TCF4: variants seen among roughly 807,000 people sequenced by gnomAD.
TCF4 encodes SL3-3 enhancer factor 2.
Under a neutral mutation model 82.1 loss-of-function variants are expected in TCF4, and 3 were observed. The observed-to-expected ratio is 0.04, with a 90% CI of 0.02 to 0.09. The LOEUF is 0.09. Ranked by LOEUF, TCF4 falls within the 10% of genes least tolerant of loss-of-function variation. TCF4 has a pLI of 1.00. For synonymous variants in TCF4, 276 were observed against 309.6 expected, an observed-to-expected ratio of 0.89 and a Z score of 1.14; for missense variants, 518 against 852.7, an observed-to-expected ratio of 0.61 and a Z score of 4.89.
chr18:55,482,515 C>T (rs1299527469), intron 3 of TCF4, among the ~76,000 whole-genome samples: 1 of 152,208 alleles, frequency 6.6e-6, no homozygotes, highest in African/African-American at 2.4e-5. Context: ...GAGACAACCA[C>T]AGGTTGGAGA....
At chr18:55,523,218 A>G (rs2096947936) in intron 3 of TCF4, among the ~76,000 whole-genome samples, 1 of 152,078 alleles carries the variant, frequency 6.6e-6, no homozygotes, top group South Asian at 2.1e-4. Flanking sequence ...TTTACACAAT[A>G]CAAATTCATG....
rs144678214 is a variant in TCF4, at chr18:55,596,679, A to G, written c.287-9543T>C. The stretch of plus-strand genomic sequence containing the variant: ...CGTTTCTTTAATGGTCATGAAATTG[A>G]TTTAGATCAACTTTTTGTTTTTGTT... On this transcript the variant is annotated intron_variant, in intron 2 of 20. Coordinates refer to the TCF4 transcript ENST00000398339. Among the ~76,000 whole-genome samples the G allele has an allele frequency of 2.7e-4, 41 of 152,272 alleles. No homozygotes were observed. In the East Asian group the frequency reaches 7.5e-3, roughly 28 times the overall value.
At chr18:55,493,424 C>T (rs1340023217) in intron 3 of TCF4, among the ~76,000 whole-genome samples, 4 of 152,060 alleles carry the variant, frequency 2.6e-5, no homozygotes. Flanking sequence ...AATAAAATTT[C>T]TATTAACATG....
intron 3 of TCF4, among the ~76,000 whole-genome samples, chr18:55,519,320 G>A (rs950146112): frequency 6.6e-6 from 1 of 151,792 alleles, no homozygotes; most frequent in Non-Finnish European, 1.5e-5. Flanking sequence ...TGTATTCCCA[G>A]CTACTCAGGA....
chr18:55,404,937 C>G (rs1390531538), intron 5 of TCF4, among the ~76,000 whole-genome samples: 12 of 152,242 alleles, frequency 7.9e-5, no homozygotes, highest in Non-Finnish European at 1.6e-4. Context: ...CGCCCCATTT[C>G]TGGTCTAGCG....
chr18:55,452,055 A>G (rs2095633992), intron 5 of TCF4, among the ~76,000 whole-genome samples: 2 of 152,162 alleles, frequency 1.3e-5, no homozygotes, highest in African/African-American at 2.4e-5. Flanking sequence ...AAAATGTAAA[A>G]ACCTAGAGAA....
chr18:55,245,495 T>G (rs1463042906), intron 15 of TCF4, among the ~76,000 whole-genome samples: 1 of 152,238 alleles, frequency 6.6e-6, no homozygotes, highest in Non-Finnish European at 1.5e-5. Context: ...GCTCTTCCTG[T>G]GGACTCTCAT....
chr18:55,397,116 G>A (rs906266770), intron 6 of TCF4, among the ~76,000 whole-genome samples: 3 of 152,188 alleles, frequency 2.0e-5, no homozygotes, highest in African/African-American at 4.8e-5. Flanking sequence ...TGCAGATGGG[G>A]AAAGATTCCT....
At chr18:55,596,995 G>C (rs893081151) in intron 2 of TCF4, among the ~76,000 whole-genome samples, 1 of 152,166 alleles carries the variant, frequency 6.6e-6, no homozygotes, top group African/African-American at 2.4e-5. Flanking sequence ...TCTCATAATA[G>C]TGAGTGACTT....
chr18:55,294,302 A>G (rs2065928851), intron 8 of TCF4, among the ~76,000 whole-genome samples: 1 of 152,114 alleles, frequency 6.6e-6, no homozygotes, highest in Non-Finnish European at 1.5e-5. Flanking sequence ...TTCATATCTT[A>G]TATGAATTAT....
chr18:55,355,431 G>C (rs2083271340), intron 6 of TCF4, among the ~76,000 whole-genome samples: 1 of 152,152 alleles, frequency 6.6e-6, no homozygotes, highest in Non-Finnish European at 1.5e-5. Context: ...AGTTGCTGCT[G>C]AATGTGCCAT....
intron 3 of TCF4, among the ~76,000 whole-genome samples, chr18:55,526,734 C>G (rs1300614590): frequency 6.6e-6 from 1 of 152,132 alleles, no homozygotes; most frequent in Non-Finnish European, 1.5e-5. Flanking sequence ...TGCTTTAAGG[C>G]TTTCAGATTA....
rs538335272 is a variant in TCF4 at position 55,341,857 on chromosome 18, C to T, written c.549+8502G>A. On this transcript the variant is annotated intron_variant, in intron 8 of 19. Transcript: ENST00000354452. Reference sequence around the variant, plus strand: ...TCAAATGCATGACTTTCTCAAAAGGCTACACGGTATACTCTTTAAAATGCT... The same window carrying T: ...TCAAATGCATGACTTTCTCAAAAGGTTACACGGTATACTCTTTAAAATGCT... Among the ~76,000 whole-genome samples, 17 of 152,228 alleles carry T rather than the reference C, an allele frequency of 1.1e-4. No individual in the cohort carries two copies. In the South Asian group the frequency reaches 3.5e-3, roughly 32 times the overall value.
intron 3 of TCF4, among the ~76,000 whole-genome samples, chr18:55,565,024 C>T (rs1240301953): frequency 2.6e-5 from 4 of 152,154 alleles, no homozygotes; most frequent in South Asian, 4.1e-4. Flanking sequence ...CCAACATTTC[C>T]TCTTCCAACA....
rs546664472 is a variant in TCF4, at chr18:55,240,085, A to G, written c.1351-5402T>C. Among the ~76,000 whole-genome samples, 3 of 152,366 alleles carry G rather than the reference A, an allele frequency of 2.0e-5. No homozygotes were observed. In the South Asian group the frequency reaches 6.2e-4, roughly 32 times the overall value. ...CAATGGGAACTTTAGGAAACTTGTCATCAGTTTCTAGACCAAGTGATAATG... is the reference window on the plus strand; with the variant it reads ...CAATGGGAACTTTAGGAAACTTGTCGTCAGTTTCTAGACCAAGTGATAATG... On this transcript the variant is annotated intron_variant, in intron 15 of 19. Coordinates refer to ENST00000354452, the MANE Select transcript of TCF4 (RefSeq NM_001083962.2).
At chr18:55,364,925 T>G (rs1159456322) in intron 6 of TCF4, among the ~76,000 whole-genome samples, 2 of 151,572 alleles carry the variant, frequency 1.3e-5, no homozygotes, top group South Asian at 2.1e-4. Flanking sequence ...CTTTGGGAAC[T>G]GAGGCAGGCA....
intron 6 of TCF4, among the ~76,000 whole-genome samples, chr18:55,371,692 C>G (rs1275983470): frequency 6.6e-6 from 1 of 152,132 alleles, no homozygotes; most frequent in Non-Finnish European, 1.5e-5. Context: ...CTCAACACTT[C>G]CACTGGGAAG....
chr18:55,463,640 T>C (rs2095923403), intron 4 of TCF4, among the ~76,000 whole-genome samples: 1 of 152,202 alleles, frequency 6.6e-6, no homozygotes, highest in East Asian at 1.9e-4. Flanking sequence ...AACTTCATAG[T>C]GTATCTTTGG....
At chr18:55,394,941 C>CT in intron 6 of TCF4, among the ~76,000 whole-genome samples, 1 of 152,208 alleles carries the variant, frequency 6.6e-6, no homozygotes, top group African/African-American at 2.4e-5. Flanking sequence ...ATATATGCTT[C>CT]TTTTCTAAAG....
Sources: allele counts gnomAD v4.1 joint callset (sites outside exome capture counted in the v4.1 genomes callset), GRCh38; gene constraint gnomAD v4.1.1; transcripts MANE v1.5; gene names NCBI Gene and HGNC (gene_info 2026-07-23, HGNC 2026-07-21).